ITPR1: variants seen among roughly 807,000 people sequenced by gnomAD.
The protein encoded by ITPR1 is inositol 1,4,5-trisphosphate-gated calcium channel ITPR1.
In ITPR1, 96 loss-of-function variants were observed where a neutral mutation model predicts 318.4. The observed-to-expected ratio is 0.30, with a 90% CI of 0.26 to 0.36. ITPR1 has a LOEUF of 0.36. ITPR1 is among the 10% of genes least tolerant of loss of function. The probability of loss-of-function intolerance (pLI) is 1.00; values close to 1 mark genes in which losing one functional copy is unlikely to be tolerated. For missense variants in ITPR1, 2,440 were observed against 3,460.2 expected, an observed-to-expected ratio of 0.71 and a Z score of 7.40; for synonymous variants, 1,312 against 1,289.9, an observed-to-expected ratio of 1.02 and a Z score of -0.37.
At chr3:4,681,336 T>C (rs201863935) in intron 25 of ITPR1, 28 bp from the exon 26 acceptor site, 12 of 1,567,578 alleles carry the variant, frequency 7.7e-6, no homozygotes, top group Non-Finnish European at 1.1e-5. Context: ...CCTTCCTGCA[T>C]CTGAAGTGGT....
At chr3:4,798,876 A>C (rs1160382139) in intron 53 of ITPR1, among the ~76,000 whole-genome samples, 3 of 152,222 alleles carry the variant, frequency 2.0e-5, no homozygotes, top group Admixed American at 2.0e-4. Flanking sequence ...GAAATTCTAG[A>C]AAGTGCAAAG....
At chr3:4,575,865 A>G (rs1334371762) in intron 4 of ITPR1, among the ~76,000 whole-genome samples, 1 of 152,028 alleles carries the variant, frequency 6.6e-6, no homozygotes, top group African/African-American at 2.4e-5. Context: ...TACAAAAAAT[A>G]AAAAATTATC....
At chr3:4,692,950 G>A (rs111328748) in intron 32 of ITPR1, among the ~76,000 whole-genome samples, 4,073 of 152,172 alleles carry the variant, frequency 0.027, 184 homozygotes, top group African/African-American at 0.09. Flanking sequence ...GGGAAACCCC[G>A]TCTCTACTAA....
chr3:4,802,249 T>C (rs1254549115), intron 54 of ITPR1, among the ~76,000 whole-genome samples: 1 of 152,226 alleles, frequency 6.6e-6, no homozygotes, highest in African/African-American at 2.4e-5. Context: ...CTGCAGTTTT[T>C]TGTAAGTATC....
At chr3:4,610,734 A>T (rs1261800183) in intron 4 of ITPR1, among the ~76,000 whole-genome samples, 3 of 151,782 alleles carry the variant, frequency 2.0e-5, no homozygotes, top group Non-Finnish European at 4.4e-5. Flanking sequence ...GGGCATTCTC[A>T]TTTTTTTTGT....
chr3:4,735,108 A>G (rs1290688807), intron 43 of ITPR1, 56 bp from the exon 44 acceptor site: 7 of 1,403,082 alleles, frequency 5.0e-6, no homozygotes, highest in African/African-American at 2.8e-5. Context: ...GTAAGTATGC[A>G]GCAAACATTA....
chr3:4,554,304 G>A (rs2085892014), intron 4 of ITPR1, among the ~76,000 whole-genome samples: 1 of 152,214 alleles, frequency 6.6e-6, no homozygotes, highest in Admixed American at 6.5e-5. Flanking sequence ...TGTCAGAAAT[G>A]AGTACAGTGT....
chr3:4,588,861 C>G (rs765896519), intron 4 of ITPR1, among the ~76,000 whole-genome samples: 9 of 152,170 alleles, frequency 5.9e-5, no homozygotes, highest in Admixed American at 1.3e-4. Flanking sequence ...CTCTCCCTCC[C>G]TCACACGTCA....
chr3:4,505,825 G>A (rs1028396960), intron 2 of ITPR1, among the ~76,000 whole-genome samples: 1 of 152,210 alleles, frequency 6.6e-6, no homozygotes, highest in Non-Finnish European at 1.5e-5. Flanking sequence ...GGAAAACATT[G>A]TTGGAGTTGG....
intron 39 of ITPR1, among the ~76,000 whole-genome samples, 153 bp downstream of exon 39, chr3:4,712,021 C>A (rs749408323): frequency 6.6e-6 from 1 of 152,160 alleles, no homozygotes; most frequent in Non-Finnish European, 1.5e-5. Flanking sequence ...GTTTATCCTG[C>A]CGTTAAAGGG....
At chr3:4,502,789 A>G (rs987488541) in intron 2 of ITPR1, among the ~76,000 whole-genome samples, 1 of 152,010 alleles carries the variant, frequency 6.6e-6, no homozygotes, top group African/African-American at 2.4e-5. Flanking sequence ...TCTTTCTTTG[A>G]AAAGCCTTAC....
intron 4 of ITPR1, among the ~76,000 whole-genome samples, chr3:4,616,680 A>G (rs769451054): frequency 1.3e-5 from 2 of 152,202 alleles, no homozygotes; most frequent in Non-Finnish European, 2.9e-5. Context: ...AGATTCTGAA[A>G]GAGAAGGGAC....
At chr3:4,646,947 A>G (rs2093471690) in intron 10 of ITPR1, among the ~76,000 whole-genome samples, 1 of 152,100 alleles carries the variant, frequency 6.6e-6, no homozygotes, top group African/African-American at 2.4e-5. Context: ...AGTATAGTAA[A>G]GTGCCCAAGT....
chr3:4,754,596 A>T (rs1180946051), intron 44 of ITPR1, among the ~76,000 whole-genome samples: 1 of 152,214 alleles, frequency 6.6e-6, no homozygotes. Flanking sequence ...CATGCAGTTC[A>T]CATTGTTCAT....
At chr3:4,662,296 A>T (rs2093851378) in intron 15 of ITPR1, 54 bp downstream of exon 15, 1 of 1,408,104 alleles carries the variant, frequency 7.1e-7, no homozygotes, top group Admixed American at 2.6e-5. Context: ...AGAGTTTCTG[A>T]CATCCATGGG....
chr3:4,773,241 G>T (rs1295983654), intron 46 of ITPR1, among the ~76,000 whole-genome samples: 1 of 152,236 alleles, frequency 6.6e-6, no homozygotes, highest in African/African-American at 2.4e-5. Flanking sequence ...GTCATTCAGG[G>T]TGGAGGCCTC....
intron 5 of ITPR1, among the ~76,000 whole-genome samples, chr3:4,633,252 G>C (rs1575816211): frequency 6.6e-6 from 1 of 152,100 alleles, no homozygotes; most frequent in South Asian, 2.1e-4. Flanking sequence ...CTTGAATGTT[G>C]ACTTTGTGCT....
At chr3:4,556,638 C>G (rs1412412450) in intron 4 of ITPR1, among the ~76,000 whole-genome samples, 1 of 152,022 alleles carries the variant, frequency 6.6e-6, no homozygotes, top group African/African-American at 2.4e-5. Context: ...TTTCATGGCT[C>G]TATAGCCCGT....
chr3:4,599,596 T>A (rs1276328957), intron 4 of ITPR1, among the ~76,000 whole-genome samples: 1 of 152,190 alleles, frequency 6.6e-6, no homozygotes, highest in Non-Finnish European at 1.5e-5. Flanking sequence ...CTGTAGGCAG[T>A]TGGGTTTGTG....
Sources: allele counts gnomAD v4.1 joint callset (sites outside exome capture counted in the v4.1 genomes callset), GRCh38; gene constraint gnomAD v4.1.1; transcripts MANE v1.5; gene names NCBI Gene and HGNC (gene_info 2026-07-23, HGNC 2026-07-21).